Variants in PRKG1 observed in about 807,000 individuals in gnomAD.
PRKG1 encodes protein kinase cGMP-dependent 1, also known as cGMP-dependent protein kinase 1.
In PRKG1, 35 loss-of-function variants were observed where a neutral mutation model predicts 88.1. That is an observed-to-expected ratio of 0.40 (90% CI 0.30 to 0.53). The LOEUF (loss-of-function observed/expected upper bound fraction) is 0.53, where lower values mean the gene tolerates loss of function less well. Ranked by LOEUF, PRKG1 falls within the 20% of genes least tolerant of loss-of-function variation. The probability of loss-of-function intolerance (pLI) is 0.59; values close to 1 mark genes in which losing one functional copy is unlikely to be tolerated. For missense variants in PRKG1, 540 were observed against 839.8 expected, an observed-to-expected ratio of 0.64 and a Z score of 4.41; for synonymous variants, 303 against 292.5, an observed-to-expected ratio of 1.04 and a Z score of -0.37.
chr10:51,299,079 C>T (rs185042360), intron 2 of PRKG1, among the ~76,000 whole-genome samples: 34 of 152,256 alleles, frequency 2.2e-4, no homozygotes, highest in African/African-American at 7.9e-4. Flanking sequence ...GCCCTTTGCT[C>T]CAATAAAATG....
At chr10:51,702,488 AT>A (rs1176856330) in intron 3 of PRKG1, among the ~76,000 whole-genome samples, 2 of 152,158 alleles carry the variant, frequency 1.3e-5, no homozygotes, top group Admixed American at 1.3e-4. Flanking sequence ...TTTTATTCCC[AT>A]AAAGTTTAAA....
chr10:51,407,604 C>A (rs929423005), intron 2 of PRKG1, among the ~76,000 whole-genome samples: 1 of 152,214 alleles, frequency 6.6e-6, no homozygotes, highest in Non-Finnish European at 1.5e-5. Context: ...TTCTACTACC[C>A]ATTCTGTATT....
intron 7 of PRKG1, among the ~76,000 whole-genome samples, chr10:52,110,772 G>T (rs941271221): frequency 6.6e-6 from 1 of 152,154 alleles, no homozygotes; most frequent in African/African-American, 2.4e-5. Context: ...ACCACTTTAT[G>T]ATCATTCGTC....
At chr10:51,205,283 G>A (rs1462952608) in intron 2 of PRKG1, among the ~76,000 whole-genome samples, 5 of 150,432 alleles carry the variant, frequency 3.3e-5, no homozygotes, top group Admixed American at 3.3e-4. Flanking sequence ...GAGACCACAG[G>A]CACTGCCACC....
intron 1 of PRKG1, among the ~76,000 whole-genome samples, chr10:51,108,760 A>C (rs983821231): frequency 1.3e-5 from 2 of 152,156 alleles, no homozygotes; most frequent in African/African-American, 4.8e-5. Flanking sequence ...ATTGTACTGG[A>C]GCTTCTAGCT....
chr10:52,242,047 G>T (rs1331508547), intron 9 of PRKG1: 1 of 152,210 alleles, frequency 6.6e-6, no homozygotes, highest in Non-Finnish European at 1.5e-5. Flanking sequence ...GAGCTCTGTA[G>T]TAATGCATGA....
At chr10:51,630,048 T>C (rs146314055) in intron 3 of PRKG1, among the ~76,000 whole-genome samples, 164 of 152,316 alleles carry the variant, frequency 1.1e-3, no homozygotes, top group Middle Eastern at 0.01. Context: ...GTTGAGCAGG[T>C]TGAAAACGTC....
chr10:51,924,543 A>G (rs1293482966), intron 5 of PRKG1, among the ~76,000 whole-genome samples: 1 of 152,060 alleles, frequency 6.6e-6, no homozygotes, highest in African/African-American at 2.4e-5. Flanking sequence ...TCTGTTTGAT[A>G]TTCTCTGAGT....
At chr10:51,016,543 T>C (rs1329973332) in intron 1 of PRKG1, among the ~76,000 whole-genome samples, 1 of 152,024 alleles carries the variant, frequency 6.6e-6, no homozygotes, top group Non-Finnish European at 1.5e-5. Flanking sequence ...CAAAGACTAA[T>C]AGGCAATACT....
At chr10:51,880,674 G>T (rs968432088) in intron 4 of PRKG1, among the ~76,000 whole-genome samples, 2 of 152,140 alleles carry the variant, frequency 1.3e-5, no homozygotes, top group Non-Finnish European at 2.9e-5. Context: ...TCATATCCTG[G>T]ATTTAAAATG....
intron 2 of PRKG1, among the ~76,000 whole-genome samples, chr10:51,226,231 G>T (rs572887924): frequency 2.4e-4 from 37 of 152,246 alleles, no homozygotes; most frequent in African/African-American, 6.5e-4. Flanking sequence ...ACAGAAAAAT[G>T]ATTCTGCATA....
intron 3 of PRKG1, among the ~76,000 whole-genome samples, chr10:51,741,369 T>C (rs1175411083): frequency 6.6e-6 from 1 of 152,012 alleles, no homozygotes; most frequent in Non-Finnish European, 1.5e-5. Flanking sequence ...TTATTATAGG[T>C]TATATTTAAT....
At chr10:51,457,909 C>T (rs773200818) in intron 2 of PRKG1, among the ~76,000 whole-genome samples, 19 of 152,240 alleles carry the variant, frequency 1.2e-4, no homozygotes, top group Non-Finnish European at 2.1e-4. Flanking sequence ...GTCTGGGTAG[C>T]GACTTTCAAA....
At chr10:51,831,774 T>G (rs184935953) in intron 4 of PRKG1, among the ~76,000 whole-genome samples, 6 of 152,280 alleles carry the variant, frequency 3.9e-5, no homozygotes, top group Admixed American at 3.3e-4. Flanking sequence ...TTCTGAGAAC[T>G]CCATGCTTCT....
At chr10:52,266,784 C>A (rs7073274) in intron 10 of PRKG1, among the ~76,000 whole-genome samples, 4,116 of 148,436 alleles carry the variant, frequency 0.028, 243 homozygotes, top group East Asian at 0.22. Flanking sequence ...AGCAAAAAAA[C>A]AAAAAAAAAG....
intron 4 of PRKG1, among the ~76,000 whole-genome samples, chr10:51,825,531 C>A (rs935242912): frequency 6.6e-6 from 1 of 152,046 alleles, no homozygotes; most frequent in Non-Finnish European, 1.5e-5. Flanking sequence ...AGCAACAGTA[C>A]AGAGATGGGA....
At chr10:51,536,729 C>T (rs1182555944) in intron 3 of PRKG1, among the ~76,000 whole-genome samples, 1 of 151,620 alleles carries the variant, frequency 6.6e-6, no homozygotes, top group African/African-American at 2.4e-5. Context: ...ATACATGTGC[C>T]ATGCTGGTGT....
chr10:50,991,530 C>A lies in PRKG1; in HGVS notation c.152C>A (p.Ser51Ter). ...TGCCAGTCGGTGCTCCCAGTGCCCT[C>A]GACCCACATCGGCCCCCGGACCACC... Residue 51 changes from serine (S) to a stop codon, truncating the protein, a stop_gained, in exon 1 of 18, where the codon TCG (serine) becomes TAG (stop). Coordinates refer to the PRKG1 transcript ENST00000401604. LOFTEE classifies it high-confidence loss of function. The surrounding 1 kb of genome is among the most constrained non-coding windows in gnomAD (Gnocchi z 4.5). 1 of 1,610,782 alleles carries A rather than the reference C, an allele frequency of 6.2e-7. No individual in the cohort carries two copies. Among genetic ancestry groups the A allele is most frequent in the Non-Finnish European group, 8.5e-7 (1 of 1,178,828 alleles).
chr10:51,072,597 G>A (rs190188935), upstream of PRKG1, among the ~76,000 whole-genome samples: 277 of 152,194 alleles, frequency 1.8e-3, no homozygotes, highest in African/African-American at 5.1e-3. Context: ...AAAAGAAAAT[G>A]TTTTGAGAAT....
Sources: gnomAD v4.1 joint callset for allele counts (sites outside exome capture counted in the v4.1 genomes callset) on GRCh38, gnomAD v4.1.1 for gene constraint, Gnocchi (gnomAD v3.1) non-coding constraint, MANE v1.5 for transcripts, NCBI Gene and HGNC (gene_info 2026-07-23, HGNC 2026-07-21) for gene names.